The following BICC1 variants were observed in gnomAD, a reference collection of about 807,000 sequenced individuals.
BICC1 encodes protein bicaudal C homolog 1.
In BICC1, 43 loss-of-function variants were observed where a neutral mutation model predicts 111.0. That is an observed-to-expected ratio of 0.39 (90% CI 0.30 to 0.50). BICC1 has a LOEUF of 0.50. BICC1 is among the 20% of genes least tolerant of loss of function. The pLI, the probability that BICC1 is intolerant of heterozygous loss-of-function variation, is 0.88. For synonymous variants in BICC1, 467 were observed against 434.4 expected (o/e 1.07, Z -0.93); for missense variants, 1,091 against 1,203.2 (o/e 0.91, Z 1.38).
chr10:58,769,608 C>T (rs1209453718), intron 3 of BICC1, among the ~76,000 whole-genome samples: 1 of 151,560 alleles, frequency 6.6e-6, no homozygotes, highest in African/African-American at 2.4e-5. Flanking sequence ...ATTTCTGTTT[C>T]TCCCATGTTT....
At chr10:58,724,395 ATGTGTGTATG>A (rs1841035614) in intron 3 of BICC1, among the ~76,000 whole-genome samples, 1 of 151,872 alleles carries the variant, frequency 6.6e-6, no homozygotes, top group Non-Finnish European at 1.5e-5. Flanking sequence ...GTGTGTGTAT[ATGTGTGTATG>A]TGTGTGTGTG....
intron 18 of BICC1, among the ~76,000 whole-genome samples, chr10:58,816,887 C>T (rs1032412880): frequency 6.6e-6 from 1 of 151,658 alleles, no homozygotes; most frequent in Non-Finnish European, 1.5e-5. Flanking sequence ...CTTTGCCCAC[C>T]AAATCAGTTG....
At chr10:58,798,976 T>A in intron 11 of BICC1, 80 bp from the exon 12 acceptor site, 2 of 1,120,076 alleles carry the variant, frequency 1.8e-6, no homozygotes, top group Non-Finnish European at 2.5e-6. Flanking sequence ...GCAACAAAAA[T>A]GATATTTTTA....
intron 2 of BICC1, among the ~76,000 whole-genome samples, chr10:58,629,520 T>C (rs1837731555): frequency 1.3e-5 from 2 of 152,210 alleles, no homozygotes; most frequent in African/African-American, 2.4e-5. Context: ...GGCTCTGAAT[T>C]AGGGTCATTG....
chr10:58,750,887 C>T (rs1047971087), intron 3 of BICC1, among the ~76,000 whole-genome samples: 1 of 152,116 alleles, frequency 6.6e-6, no homozygotes, highest in African/African-American at 2.4e-5. Flanking sequence ...CTGAAGGGTG[C>T]TCATTGAAAA....
At chr10:58,799,336 T>A (rs1466465314) in intron 12 of BICC1, 84 bp downstream of exon 12, 2 of 1,015,584 alleles carry the variant, frequency 2.0e-6, no homozygotes, top group East Asian at 5.4e-5. Context: ...CATGCTAGAA[T>A]GTGTGTGTGT....
intron 2 of BICC1, chr10:58,648,382 A>T: frequency 2.9e-6 from 1 of 340,286 alleles, no homozygotes; most frequent in Non-Finnish European, 4.2e-6. Flanking sequence ...CACCTATGTT[A>T]AATGTCATTT....
At chr10:58,693,177 A>G (rs1839964339) in intron 2 of BICC1, among the ~76,000 whole-genome samples, 1 of 152,210 alleles carries the variant, frequency 6.6e-6, no homozygotes, top group Non-Finnish European at 1.5e-5. Flanking sequence ...ATGTCCCTAC[A>G]AAGGACGTGA....
intron 3 of BICC1, among the ~76,000 whole-genome samples, chr10:58,747,035 A>G (rs1841854440): frequency 6.6e-6 from 1 of 152,160 alleles, no homozygotes; most frequent in African/African-American, 2.4e-5. Flanking sequence ...ATCATGGCTC[A>G]TGTCAGCTGC....
chr10:58,713,044 C>A lies in BICC1; in HGVS notation c.307+10901C>A, dbSNP rs1840628023. 2.6e-5 allele frequency among the ~76,000 whole-genome samples: 4 copies of A among 152,136 alleles called. No individual in the cohort carries two copies. The South Asian group carries it at 8.3e-4, about 31-fold the overall frequency. ...GATAATATTATATGGTCAAGAATAA[C>A]TCCTTAATGTATAAATTTAAAAGCA... On this transcript the variant is annotated intron_variant, in intron 3 of 20. Coordinates refer to ENST00000373886, the MANE Select transcript of BICC1 (RefSeq NM_001080512.3).
chr10:58,668,250 A>T (rs1242891107), intron 2 of BICC1, among the ~76,000 whole-genome samples: 27 of 152,122 alleles, frequency 1.8e-4, no homozygotes, highest in Admixed American at 2.0e-4. Context: ...GCACCAATTT[A>T]TACAAAAAGT....
chr10:58,658,270 C>A (rs1259881423), intron 2 of BICC1, among the ~76,000 whole-genome samples: 1 of 152,166 alleles, frequency 6.6e-6, no homozygotes, highest in Non-Finnish European at 1.5e-5. Context: ...TCACTGCAGC[C>A]TCTGCCATCT....
intron 1 of BICC1, among the ~76,000 whole-genome samples, chr10:58,528,452 T>G (rs1020436085): frequency 2.0e-5 from 3 of 151,974 alleles, no homozygotes; most frequent in African/African-American, 7.2e-5. Flanking sequence ...AATTTCAGTT[T>G]ATTTCATTGC....
chr10:58,777,556 C>A (rs1272840846), intron 3 of BICC1, among the ~76,000 whole-genome samples: 1 of 152,144 alleles, frequency 6.6e-6, no homozygotes, highest in East Asian at 1.9e-4. Flanking sequence ...TCAGCAAGAA[C>A]CTGCCTGAAG....
At chr10:58,769,166 G>A (rs1842540774) in intron 3 of BICC1, among the ~76,000 whole-genome samples, 1 of 151,592 alleles carries the variant, frequency 6.6e-6, no homozygotes, top group African/African-American at 2.4e-5. Context: ...TTGGTCAAAG[G>A]ATACAAACTT....
In BICC1 at chr10:58,801,029, G is replaced by A. The variant is rs777320647; in HGVS notation, c.1998G>A (p.Thr666=). ...KRQTVELLQG[T]KNSHLHSTDR... ...AGACAGTGGAACTATTGCAAGGCAC[G>A]AAAAACTCACACTTACAGTATGTAT... The change falls in exon 14 of 21, where the codon ACG becomes ACA. Residue 666 remains threonine, a synonymous_variant. Coordinates refer to ENST00000373886, the MANE Select transcript of BICC1 (RefSeq NM_001080512.3). 8 of 1,605,912 alleles carry A rather than the reference G, an allele frequency of 5.0e-6. No homozygotes were observed. The highest frequency in any genetic ancestry group is 1.3e-5 in the African/African-American group (1 of 74,306).
intron 3 of BICC1, among the ~76,000 whole-genome samples, chr10:58,739,410 C>A (rs183216834): frequency 3.3e-4 from 50 of 152,252 alleles, no homozygotes; most frequent in African/African-American, 1.1e-3. Context: ...GTTGAACCAG[C>A]CTTGCATCCC....
At chr10:58,703,485 A>G (rs918919842) in intron 3 of BICC1, among the ~76,000 whole-genome samples, 9 of 152,144 alleles carry the variant, frequency 5.9e-5, no homozygotes, top group Non-Finnish European at 1.2e-4. Flanking sequence ...AATTGTTATC[A>G]TGGGCGGCAA....
chr10:58,746,514 A>T (rs1286331655), intron 3 of BICC1, among the ~76,000 whole-genome samples: 1 of 152,106 alleles, frequency 6.6e-6, no homozygotes, highest in Non-Finnish European at 1.5e-5. Context: ...ATTGGTAAGA[A>T]GGGGGAAAAT....
Sources: gnomAD v4.1 joint callset for allele counts (sites outside exome capture counted in the v4.1 genomes callset) on GRCh38, gnomAD v4.1.1 for gene constraint, MANE v1.5 for transcripts, NCBI Gene and HGNC (gene_info 2026-07-23, HGNC 2026-07-21) for gene names.